The following DOCK11 variants were observed in gnomAD, a reference collection of about 807,000 sequenced individuals.
DOCK11 encodes dedicator of cytokinesis 11.
Under a neutral mutation model 169.1 loss-of-function variants are expected in DOCK11, and 70 were observed. That is an observed-to-expected ratio of 0.41 (90% CI 0.34 to 0.51). DOCK11 has a LOEUF of 0.51. Among genes scored for constraint, DOCK11 ranks in the 20% least tolerant of loss-of-function variants. The pLI is 0.10. For missense variants in DOCK11, 1,166 were observed against 1,538.8 expected, an observed-to-expected ratio of 0.76 and a Z score of 4.05; for synonymous variants, 529 against 541.3, an observed-to-expected ratio of 0.98 and a Z score of 0.32.
intron 37 of DOCK11, among the ~76,000 whole-genome samples, 182 bp downstream of exon 37, chrX:118,638,309 C>T (rs773176373): frequency 8.9e-6 from 1 of 111,819 alleles, no homozygotes; most frequent in Non-Finnish European, 1.9e-5. Context: ...TCAAGCTTCC[C>T]AAGGAGTGAT....
chrX:118,634,212 T>C (rs1341447002), intron 35 of DOCK11: 1 of 112,076 alleles, frequency 8.9e-6, no homozygotes. Context: ...TTTTTAAAAT[T>C]GTCAGATTCC....
intron 16 of DOCK11, 31 bp from the exon 17 acceptor site, chrX:118,588,106 T>G: frequency 9.2e-7 from 1 of 1,090,398 alleles, no homozygotes; most frequent in Non-Finnish European, 1.2e-6. Context: ...TTAAACTGAA[T>G]GATCTTTGCC....
At chrX:118,639,387 G>A (rs771261168) in intron 37 of DOCK11, 48 bp from the exon 38 acceptor site, 5 of 1,158,336 alleles carry the variant, frequency 4.3e-6, no homozygotes, top group Non-Finnish European at 5.8e-6. Context: ...ATAACATTGA[G>A]ATATGTTATT....
chrX:118,619,822 C>CT (rs746842017), intron 31 of DOCK11, among the ~76,000 whole-genome samples: 1,919 of 100,100 alleles, frequency 0.019, 49 homozygotes, highest in African/African-American at 0.065. Context: ...TGTTTTCTTT[C>CT]TTTTTTTTTT....
intron 6 of DOCK11, among the ~76,000 whole-genome samples, chrX:118,550,424 G>A (rs1241198129): frequency 9.0e-6 from 1 of 110,510 alleles, no homozygotes; most frequent in Non-Finnish European, 1.9e-5. Flanking sequence ...GGGTGACAGA[G>A]TGACACCTTA....
chrX:118,519,022 C>T (rs1024674700), intron 1 of DOCK11, among the ~76,000 whole-genome samples: 1 of 111,666 alleles, frequency 9.0e-6, no homozygotes, highest in Non-Finnish European at 1.9e-5. Flanking sequence ...TTTGCATTTC[C>T]GTGGACCTTT....
intron 1 of DOCK11, among the ~76,000 whole-genome samples, chrX:118,521,179 G>A (rs2011260068): frequency 8.9e-6 from 1 of 112,502 alleles, no homozygotes; most frequent in Non-Finnish European, 1.9e-5. Flanking sequence ...AAGTGACTGA[G>A]AATGAGCTCT....
chrX:118,557,539 T>C (rs184437576), intron 6 of DOCK11, among the ~76,000 whole-genome samples: 98 of 109,308 alleles, frequency 9.0e-4, no homozygotes, highest in African/African-American at 3.2e-3. Context: ...GAGGCTGAGG[T>C]GGGTGGATCA....
chrX:118,656,182 G>A (rs1603168424), intron 44 of DOCK11, among the ~76,000 whole-genome samples: 1 of 110,227 alleles, frequency 9.1e-6, no homozygotes, highest in East Asian at 2.8e-4. Context: ...TTCCAGCTAC[G>A]AAGGAGGGTG....
chrX:118,558,380 A>C (rs2012793265), intron 6 of DOCK11, among the ~76,000 whole-genome samples: 1 of 111,901 alleles, frequency 8.9e-6, no homozygotes, highest in Admixed American at 9.5e-5. Flanking sequence ...TATTGGTTAC[A>C]AAAGGCTCGC....
chrX:118,605,548 A>T (rs1485808026), intron 24 of DOCK11, among the ~76,000 whole-genome samples, 192 bp downstream of exon 24: 1 of 112,286 alleles, frequency 8.9e-6, no homozygotes, highest in East Asian at 2.8e-4. Context: ...TGACTCAGGA[A>T]CATGTTTAAT....
chrX:118,644,108 C>T (rs1489455406), intron 40 of DOCK11, among the ~76,000 whole-genome samples: 3 of 111,682 alleles, frequency 2.7e-5, no homozygotes, highest in Non-Finnish European at 5.6e-5. Context: ...TAAACAATAA[C>T]CTCAGACTTG....
intron 1 of DOCK11, among the ~76,000 whole-genome samples, chrX:118,524,598 G>A (rs2011331962): frequency 9.0e-6 from 1 of 111,573 alleles, no homozygotes; most frequent in African/African-American, 3.3e-5. Context: ...CTTTGAAGAT[G>A]ATAAACAAAT....
intron 1 of DOCK11, among the ~76,000 whole-genome samples, chrX:118,517,713 T>C (rs1193763465): frequency 9.0e-6 from 1 of 111,603 alleles, no homozygotes; most frequent in East Asian, 2.8e-4. Flanking sequence ...TCATTAAAAT[T>C]AGGATGGGCT....
Position 118,671,113 on chromosome X carries a change from G to C in DOCK11, c.5167G>C (p.Val1723Leu), listed in dbSNP as rs745975153. ...AATTTCTGAGATTTCCAAGTTGATC[G>C]TTCCAATTTATGAGAAACGTCGTGA... The part of the protein sequence containing the change: ...EIISEISKLI[V>L]PIYEKRREFE... Residue 1723 changes from valine to leucine, a missense_variant, in exon 46 of 53, where the codon GTT becomes CTT. Transcript: ENST00000276202. 1.7e-6 allele frequency: 2 copies of C among 1,205,725 alleles called. No individual in the cohort carries two copies. The highest frequency in any genetic ancestry group is 2.3e-4 in the Middle Eastern group (1 of 4,329).
intron 1 of DOCK11, among the ~76,000 whole-genome samples, chrX:118,505,916 G>C (rs1053597739): frequency 4.5e-5 from 5 of 112,161 alleles, no homozygotes; most frequent in Non-Finnish European, 7.5e-5. Context: ...ATTGGGATCT[G>C]TGTGGAAAAA....
Position 118,685,690 on chromosome X carries a change from A to G in DOCK11, c.6105A>G (p.Ile2035Met), listed in dbSNP as rs1213957757. The G allele has an allele frequency of 4.1e-6, 5 of 1,208,406 alleles. No homozygotes were observed. In the East Asian group the frequency reaches 1.5e-4, roughly 36 times the overall value. The change falls in exon 53 of 53, where the codon ATA becomes ATG. Residue 2035 changes from isoleucine to methionine, a missense_variant and splice_region_variant. Transcript: ENST00000276202. ...KELSDIIHEQ[I>M]LQEDTMHSPW... ...CATGCTGATTTCTTCTGTTTTAGAT[A>G]TTACAAGAAGACACAATGCATTCTC...
intron 6 of DOCK11, among the ~76,000 whole-genome samples, chrX:118,557,590 C>G (rs113864918): frequency 2.1e-4 from 23 of 107,594 alleles, no homozygotes; most frequent in Non-Finnish European, 4.2e-4. Flanking sequence ...ATGGTGAAAC[C>G]CCGTCTCTAC....
chrX:118,513,135 G>A (rs750884703), intron 1 of DOCK11, among the ~76,000 whole-genome samples: 118 of 111,703 alleles, frequency 1.1e-3, no homozygotes, highest in Non-Finnish European at 1.9e-3. Context: ...TTGTTTGACT[G>A]TGGGCACACT....
Sources: gnomAD v4.1 joint callset for allele counts (sites outside exome capture counted in the v4.1 genomes callset) on GRCh38, gnomAD v4.1.1 for gene constraint, MANE v1.5 for transcripts, NCBI Gene and HGNC (gene_info 2026-07-23, HGNC 2026-07-21) for gene names.